SLC25A24: variants seen among roughly 807,000 people sequenced by gnomAD.
The protein encoded by SLC25A24 is mitochondrial adenyl nucleotide antiporter SLC25A24.
In SLC25A24, 49 loss-of-function variants were observed where a neutral mutation model predicts 60.7. The observed-to-expected ratio is 0.81, with a 90% CI of 0.64 to 1.02. SLC25A24 has a LOEUF of 1.02. Among genes scored for constraint, SLC25A24 ranks in the 50% least tolerant of loss-of-function variants. The pLI is 0.00. For synonymous variants in SLC25A24, 202 were observed against 200.6 expected (o/e 1.01, Z -0.06); for missense variants, 564 against 586.3 (o/e 0.96, Z 0.39).
intron 4 of SLC25A24, among the ~76,000 whole-genome samples, chr1:108,160,547 T>G (rs1392866074): frequency 6.6e-6 from 1 of 151,018 alleles, no homozygotes; most frequent in Non-Finnish European, 1.5e-5. Context: ...CCAGACGGGG[T>G]GGCGGCTGGG....
chr1:108,165,352 G>A (rs1027257285), intron 3 of SLC25A24, among the ~76,000 whole-genome samples: 7 of 152,102 alleles, frequency 4.6e-5, no homozygotes, highest in African/African-American at 1.4e-4. Flanking sequence ...TATCCTTGTT[G>A]ACTTTCTGTC....
At chr1:108,151,676 C>A (rs1292081708) in intron 6 of SLC25A24, among the ~76,000 whole-genome samples, 3 of 152,190 alleles carry the variant, frequency 2.0e-5, no homozygotes, top group Non-Finnish European at 2.9e-5. Context: ...AGTGATCCTG[C>A]CCATTCCAAT....
intron 9 of SLC25A24, among the ~76,000 whole-genome samples, chr1:108,138,532 G>T (rs776817622): frequency 2.5e-3 from 102 of 40,324 alleles, no homozygotes; most frequent in Admixed American, 4.2e-3. Flanking sequence ...TGTAATCAAA[G>T]CCAACAATGG....
At chr1:108,193,223 G>A (rs1648400753) in intron 1 of SLC25A24, among the ~76,000 whole-genome samples, 1 of 138,642 alleles carries the variant, frequency 7.2e-6, no homozygotes, top group African/African-American at 2.5e-5. Flanking sequence ...TACACCATCA[G>A]CTTGTTACAA....
chr1:108,150,433 A>C (rs1201125131), intron 6 of SLC25A24, among the ~76,000 whole-genome samples: 1 of 152,210 alleles, frequency 6.6e-6, no homozygotes, highest in African/African-American at 2.4e-5. Flanking sequence ...AAGGAGACTT[A>C]ACTGAGCCCT....
intron 3 of SLC25A24, among the ~76,000 whole-genome samples, chr1:108,167,300 G>T (rs1680284689): frequency 6.6e-6 from 1 of 151,710 alleles, no homozygotes; most frequent in African/African-American, 2.4e-5. Context: ...AGGCCTCCTT[G>T]AGCTGTGGTG....
intron 6 of SLC25A24, among the ~76,000 whole-genome samples, chr1:108,153,995 C>T (rs1282163999): frequency 6.6e-6 from 1 of 151,332 alleles, no homozygotes; most frequent in Non-Finnish European, 1.5e-5. Flanking sequence ...TGATTTGAAT[C>T]TTCAAACCTT....
intron 3 of SLC25A24, among the ~76,000 whole-genome samples, chr1:108,170,278 T>G (rs1647415933): frequency 6.6e-6 from 1 of 152,196 alleles, no homozygotes; most frequent in Non-Finnish European, 1.5e-5. Context: ...TTTTTATAAT[T>G]TATGTCTGTA....
At chr1:108,165,448 C>A (rs950003770) in intron 3 of SLC25A24, among the ~76,000 whole-genome samples, 1 of 138,936 alleles carries the variant, frequency 7.2e-6, no homozygotes, top group Non-Finnish European at 1.6e-5. Flanking sequence ...GTAGGTCACT[C>A]AGGACTTGCT....
rs984505877 is a variant in SLC25A24, at chr1:108,174,675, G to A, written c.398+7266C>T. ...GAAAAGCCACAGACACTCAACGCCA[G>A]CCTGTGAAAAGAGCCAGAAGGGGGT... On this transcript the variant is annotated intron_variant, in intron 3 of 9. Transcript: ENST00000565488. 2.0e-4 allele frequency among the ~76,000 whole-genome samples: 31 copies of A among 152,148 alleles called. 1 individual carries two copies. The highest frequency in any genetic ancestry group is 7.2e-4 in the African/African-American group (30 of 41,444).
rs753348078 is a variant in SLC25A24 at position 108,161,290 on chromosome 1, A to G, written c.402T>C (p.Ile134=). Residue 134 remains isoleucine, a synonymous_variant, in exon 4 of 10, where the codon ATT becomes ATC. Coordinates refer to ENST00000565488, the MANE Select transcript of SLC25A24 (RefSeq NM_013386.5). The stretch of plus-strand genomic sequence containing the variant: ...CCACTGTCATTGTCCCATCAACATC[A>G]ATGCTGAAATTTTAAAAAAATGATC... The part of the protein sequence containing the change: ...EQQAELILQS[I]DVDGTMTVDW... The G allele has an allele frequency of 6.6e-7, 1 of 1,524,436 alleles. No individual in the cohort carries two copies. The highest frequency in any genetic ancestry group is 1.7e-5 in the Admixed American group (1 of 57,284). 94.4% of individuals were successfully genotyped at this position (1,524,436 alleles called of 1,614,324 possible).
Position 108,154,993 on chromosome 1 carries a change from G to A in SLC25A24, c.812C>T (p.Ala271Val). 6.2e-7 allele frequency: 1 copy of A among 1,606,678 alleles called. No individual in the cohort carries two copies. Among genetic ancestry groups the A allele is most frequent in the Non-Finnish European group, 8.5e-7 (1 of 1,176,712 alleles). ...GGTGATAACAATTACCTGTTCATAT[G>A]CCCAGAATTTAACAGCTGTCTCAGG... ...IAPETAVKFW[A>V]YEQYKKLLTE... The change falls in exon 6 of 10, where the codon GCA (alanine) becomes GTA (valine). Residue 271 changes from alanine to valine, a missense_variant. Ala to Val is a moderately conservative substitution (Grantham distance 64). Coordinates refer to ENST00000565488, the MANE Select transcript of SLC25A24 (RefSeq NM_013386.5).
intron 9 of SLC25A24, among the ~76,000 whole-genome samples, chr1:108,137,978 A>G (rs1679334158): frequency 6.6e-6 from 1 of 152,212 alleles, no homozygotes; most frequent in African/African-American, 2.4e-5. Context: ...GTCTTCACAC[A>G]TGCTTTCCCT....
intron 3 of SLC25A24, among the ~76,000 whole-genome samples, chr1:108,175,447 T>C (rs1038714289): frequency 6.6e-6 from 1 of 152,162 alleles, no homozygotes; most frequent in Non-Finnish European, 1.5e-5. Flanking sequence ...CTTTCCTTTA[T>C]AAATTACCCA....
intron 3 of SLC25A24, among the ~76,000 whole-genome samples, chr1:108,174,297 G>A (rs1476750430): frequency 1.3e-5 from 2 of 152,222 alleles, no homozygotes; most frequent in African/African-American, 4.8e-5. Flanking sequence ...TGGCTAAAAG[G>A]AGCCAAGGTA....
Position 108,200,218 on chromosome 1 carries a change from GGCCGGGCTGGGCGGGGCGC to G in SLC25A24, c.-99_-81del, listed in dbSNP as rs1648623261. 3.8e-6 allele frequency: 5 copies of G among 1,327,482 alleles called. No individual in the cohort carries two copies. In the Admixed American group the frequency reaches 1.4e-4, roughly 37 times the overall value. The allele number at this position is 1,327,482 out of a possible 1,614,324, so 82.2% of individuals were successfully genotyped here. A position where few individuals can be genotyped will look rare whatever the true frequency, so the allele number is the denominator to read the frequency against. On this transcript the variant is annotated 5_prime_UTR_variant, in exon 1 of 10. Transcript: ENST00000565488. ...CGGGGCGAGACCGGGACCAGCGCGA[GGCCGGGCTGGGCGGGGCGC>G]GCGGCGCAACAGCGTTTGGGGCGCC...
At chr1:108,170,557 A>G (rs1259766330) in intron 3 of SLC25A24, among the ~76,000 whole-genome samples, 3 of 152,114 alleles carry the variant, frequency 2.0e-5, no homozygotes, top group Non-Finnish European at 4.4e-5. Flanking sequence ...AATTGTGTTA[A>G]AATCTCTCAC....
At chr1:108,183,450 C>T (rs141630452) in intron 2 of SLC25A24, among the ~76,000 whole-genome samples, 4 of 152,300 alleles carry the variant, frequency 2.6e-5, no homozygotes, top group Admixed American at 1.3e-4. Context: ...TTAGCAAATA[C>T]CAAACCATTG....
intron 8 of SLC25A24, among the ~76,000 whole-genome samples, chr1:108,142,635 T>C (rs1021025845): frequency 4.6e-5 from 7 of 152,188 alleles, no homozygotes; most frequent in Non-Finnish European, 8.8e-5. Flanking sequence ...TAGGAAGTTA[T>C]TGCTTAAAGG....
Sources: allele counts gnomAD v4.1 joint callset (sites outside exome capture counted in the v4.1 genomes callset), GRCh38; gene constraint gnomAD v4.1.1; transcripts MANE v1.5; gene names NCBI Gene and HGNC (gene_info 2026-07-23, HGNC 2026-07-21).